The following BMPR1B variants were observed in gnomAD, a reference collection of about 807,000 sequenced individuals.
The protein encoded by BMPR1B is bone morphogenetic protein receptor type-1B.
A neutral mutation model predicts 59.1 loss-of-function variants in BMPR1B; 12 were observed. The ratio of observed to expected loss-of-function variants is 0.20; its 90% CI spans 0.13 to 0.33. BMPR1B has a LOEUF of 0.33. BMPR1B is among the 10% of genes least tolerant of loss of function. BMPR1B has a pLI of 1.00. For missense variants in BMPR1B, 550 were observed against 610.9 expected (o/e 0.90, Z 1.05); for synonymous variants, 237 against 207.3 (o/e 1.14, Z -1.23).
intron 1 of BMPR1B, among the ~76,000 whole-genome samples, chr4:94,821,335 A>C (rs927036219): frequency 3.4e-4 from 52 of 152,322 alleles, no homozygotes; most frequent in African/African-American, 1.3e-3. Flanking sequence ...AATTTCTTGA[A>C]GTTTAATACT....
intron 1 of BMPR1B, among the ~76,000 whole-genome samples, chr4:94,791,949 C>G (rs1038462343): frequency 6.6e-6 from 1 of 152,026 alleles, no homozygotes; most frequent in African/African-American, 2.4e-5. Flanking sequence ...TTCTTTCTTC[C>G]TTTGATCAGT....
chr4:94,953,017 C>G (rs1341448530), intron 2 of BMPR1B, among the ~76,000 whole-genome samples: 2 of 152,096 alleles, frequency 1.3e-5, no homozygotes, highest in African/African-American at 4.8e-5. Flanking sequence ...TATGTAATGA[C>G]CTTCTTTGTC....
chr4:95,126,276 G>A (rs6826477), intron 8 of BMPR1B, among the ~76,000 whole-genome samples: 15,790 of 152,012 alleles, frequency 0.1, 2,013 homozygotes, highest in African/African-American at 0.3. Context: ...TTTATTATAG[G>A]CGCTGTTCAA....
intron 1 of BMPR1B, among the ~76,000 whole-genome samples, chr4:94,871,114 G>A (rs1464269611): frequency 6.6e-6 from 1 of 152,050 alleles, no homozygotes; most frequent in African/African-American, 2.4e-5. Flanking sequence ...GAAAACCAGG[G>A]GTTAGAGAAG....
intron 3 of BMPR1B, among the ~76,000 whole-genome samples, chr4:95,056,315 A>T (rs2149197023): frequency 6.6e-6 from 1 of 152,044 alleles, no homozygotes; most frequent in African/African-American, 2.4e-5. Flanking sequence ...TTTACTCTAG[A>T]CCTCTCCATG....
At position 95,154,529 on chromosome 4, in the gene BMPR1B, T is replaced by G. The variant is rs774905569; in HGVS notation, c.1384-19T>G. 6.2e-7 allele frequency: 1 copy of G among 1,614,058 alleles called. No individual in the cohort carries two copies. On this transcript the variant is annotated intron_variant, in intron 12 of 12. Coordinates refer to ENST00000515059, the MANE Select transcript of BMPR1B (RefSeq NM_001203.3). ...CAGCCTTGCAGATGATACATTTTTC[T>G]AACATTTCTCTTCCTCAGTGTCTAA...
intron 3 of BMPR1B, among the ~76,000 whole-genome samples, chr4:95,050,948 A>G (rs1726456110): frequency 6.6e-6 from 1 of 152,240 alleles, no homozygotes; most frequent in South Asian, 2.1e-4. Flanking sequence ...AGAAACAATT[A>G]CAGTTAAAAT....
chr4:94,835,937 G>T (rs1457543268), intron 1 of BMPR1B, among the ~76,000 whole-genome samples: 1 of 124,046 alleles, frequency 8.1e-6, no homozygotes, highest in Non-Finnish European at 1.6e-5. Context: ...AGTCCCCAGA[G>T]TGTGATGTTC....
chr4:95,000,802 T>C (rs2149108844), intron 3 of BMPR1B, among the ~76,000 whole-genome samples: 1 of 152,182 alleles, frequency 6.6e-6, no homozygotes, highest in East Asian at 1.9e-4. Flanking sequence ...AACTTTGTGG[T>C]TGGAATGAGG....
intron 2 of BMPR1B, among the ~76,000 whole-genome samples, chr4:94,942,641 A>G (rs1729562486): frequency 6.6e-6 from 1 of 152,366 alleles, no homozygotes; most frequent in African/African-American, 2.4e-5. Context: ...TATGTAACAG[A>G]TACTATGTTA....
At chr4:94,998,614 C>A (rs36024977) in intron 3 of BMPR1B, among the ~76,000 whole-genome samples, 13,836 of 152,110 alleles carry the variant, frequency 0.091, 685 homozygotes, top group Middle Eastern at 0.17. Flanking sequence ...CTCAGGTGAT[C>A]TGCCTGTCTC....
At chr4:94,840,717 C>T (rs1187338936) in intron 1 of BMPR1B, among the ~76,000 whole-genome samples, 6 of 147,718 alleles carry the variant, frequency 4.1e-5, no homozygotes, top group South Asian at 2.2e-4. Flanking sequence ...AATGTCCTCC[C>T]GTAGCTCAGA....
intron 1 of BMPR1B, among the ~76,000 whole-genome samples, chr4:94,791,513 C>T (rs1427076634): frequency 2.6e-5 from 4 of 152,078 alleles, no homozygotes; most frequent in African/African-American, 9.7e-5. Flanking sequence ...ATTTTAATGA[C>T]ATTTAAAAAT....
chr4:94,777,540 A>G (rs1182821704), intron 1 of BMPR1B, among the ~76,000 whole-genome samples: 1 of 152,182 alleles, frequency 6.6e-6, no homozygotes, highest in African/African-American at 2.4e-5. Flanking sequence ...GAAAAAAGCT[A>G]TTAATTCATA....
At chr4:94,914,510 G>A (rs1038970690) in intron 2 of BMPR1B, among the ~76,000 whole-genome samples, 8 of 152,138 alleles carry the variant, frequency 5.3e-5, no homozygotes, top group African/African-American at 1.4e-4. Flanking sequence ...GTAATAAGCT[G>A]AGGAACTGCA....
chr4:95,035,181 CT>C (rs780526278), intron 3 of BMPR1B, among the ~76,000 whole-genome samples: 18 of 151,948 alleles, frequency 1.2e-4, no homozygotes, highest in Non-Finnish European at 2.2e-4. Context: ...GATGTTAGTC[CT>C]TTGTCAGATG....
At chr4:94,846,997 C>A (rs1725362042) in intron 1 of BMPR1B, among the ~76,000 whole-genome samples, 1 of 152,034 alleles carries the variant, frequency 6.6e-6, no homozygotes, top group Non-Finnish European at 1.5e-5. Context: ...AGAAAGTCAA[C>A]AAAGTGAAGA....
chr4:94,996,537 C>T (rs1444851100), intron 3 of BMPR1B, among the ~76,000 whole-genome samples: 1 of 152,066 alleles, frequency 6.6e-6, no homozygotes, highest in Non-Finnish European at 1.5e-5. Flanking sequence ...TTCAGATGAA[C>T]GTATGAAGGT....
intron 1 of BMPR1B, among the ~76,000 whole-genome samples, chr4:94,777,523 T>C (rs1468087449): frequency 6.6e-6 from 1 of 152,168 alleles, no homozygotes; most frequent in African/African-American, 2.4e-5. Context: ...ATAGGAATGA[T>C]TTAAAGGAAA....
Sources: allele counts gnomAD v4.1 joint callset (sites outside exome capture counted in the v4.1 genomes callset), GRCh38; gene constraint gnomAD v4.1.1; transcripts MANE v1.5; gene names NCBI Gene and HGNC (gene_info 2026-07-23, HGNC 2026-07-21).